Variants in RGS21 observed in about 807,000 individuals in gnomAD.
RGS21 encodes the protein regulator of G-protein signalling 21.
RGS21 carries 19 observed loss-of-function variants against 18.7 expected under a neutral mutation model. The observed-to-expected ratio is 1.01, with a 90% CI of 0.71 to 1.49. RGS21 has a LOEUF of 1.49. RGS21 is among the 40% of genes most tolerant of loss of function. RGS21 has a pLI of 0.00. For synonymous variants in RGS21, 56 were observed against 57.8 expected, an observed-to-expected ratio of 0.97 and a Z score of 0.14; for missense variants, 194 against 176.8, an observed-to-expected ratio of 1.10 and a Z score of -0.55.
rs1659252709 is a variant in RGS21 at position 192,365,939 on chromosome 1, A to G, written c.274A>G (p.Thr92Ala). The change falls in exon 5 of 5, where the codon ACC becomes GCC. Residue 92 changes from threonine to alanine, a missense_variant. By Grantham distance (58) the Thr-to-Ala change is moderately conservative. Coordinates refer to ENST00000417209, the MANE Select transcript of RGS21 (RefSeq NM_001039152.3). ...TCCACAGATTAACATTGACTTCGGT[A>G]CCAGAGACCTCATCTCAAAGAATAT... ...APKEINIDFG[T>A]RDLISKNIAE... The G allele has an allele frequency of 6.2e-7, 1 of 1,603,268 alleles. No homozygotes were observed. Among genetic ancestry groups the G allele is most frequent in the Non-Finnish European group, 8.5e-7 (1 of 1,172,120 alleles).
chr1:192,332,199 C>T (rs1658667611), intron 1 of RGS21, among the ~76,000 whole-genome samples: 1 of 151,780 alleles, frequency 6.6e-6, no homozygotes, highest in South Asian at 2.1e-4. Flanking sequence ...TAAATCAACT[C>T]AGTAAATGAA....
chr1:192,328,447 T>C (rs908152872), intron 1 of RGS21, among the ~76,000 whole-genome samples: 9 of 152,212 alleles, frequency 5.9e-5, no homozygotes, highest in African/African-American at 9.6e-5. Flanking sequence ...TGGTTCATTA[T>C]GTTTTTCTAA....
intron 1 of RGS21, among the ~76,000 whole-genome samples, chr1:192,330,401 G>A (rs1474219257): frequency 2.0e-5 from 3 of 152,088 alleles, no homozygotes; most frequent in Non-Finnish European, 4.4e-5. Context: ...TGTGGTGTGG[G>A]GAAAGAATTT....
In RGS21 at chr1:192,342,954, TC is replaced by T. The variant is rs112425607; in HGVS notation, c.-60-21del. The T allele has an allele frequency of 8.9e-4, 1,199 of 1,353,954 alleles. 12 individuals are homozygous for T. In the African/African-American group the frequency reaches 0.015, roughly 16 times the overall value. 83.9% of individuals were successfully genotyped at this position (1,353,954 alleles called of 1,614,324 possible). A position where few individuals can be genotyped will look rare whatever the true frequency, so the allele number is the denominator to read the frequency against. On this transcript the variant is annotated intron_variant, in intron 1 of 4. Coordinates refer to ENST00000417209, the MANE Select transcript of RGS21 (RefSeq NM_001039152.3). Reference sequence around the variant, plus strand: ...GGTATTCGCATACTAATTGTAATGTTCCTGCTGTCACATTACCTTCAGCTTG... The same window carrying T: ...GGTATTCGCATACTAATTGTAATGTTCTGCTGTCACATTACCTTCAGCTTG...
At chr1:192,329,674 T>C (rs1245782254) in intron 1 of RGS21, among the ~76,000 whole-genome samples, 1 of 152,056 alleles carries the variant, frequency 6.6e-6, no homozygotes, top group East Asian at 1.9e-4. Context: ...GCAATTAATA[T>C]AAAACTGTAG....
rs371304975 is a variant in RGS21, at chr1:192,354,803, CT to C, written c.255+2594del. On this transcript the variant is annotated intron_variant, in intron 4 of 4. Transcript: ENST00000417209. ...ATGCCTATTATATCCCATTTACTTT[CT>C]TTTCAAAGTTTTATATCTTTATTTC... Among the ~76,000 whole-genome samples the C allele has an allele frequency of 5.9e-5, 9 of 151,774 alleles. No individual in the cohort carries two copies. The East Asian group carries it at 1.5e-3, about 26-fold the overall frequency.
At chr1:192,336,227 G>T (rs943062726) in intron 1 of RGS21, among the ~76,000 whole-genome samples, 4 of 152,096 alleles carry the variant, frequency 2.6e-5, no homozygotes, top group Non-Finnish European at 5.9e-5. Context: ...GACCGAGGAG[G>T]GTGGATCACC....
intron 1 of RGS21, among the ~76,000 whole-genome samples, chr1:192,325,543 A>G (rs1169663061): frequency 1.3e-5 from 2 of 152,098 alleles, no homozygotes; most frequent in Non-Finnish European, 2.9e-5. Context: ...ACTGCATGGC[A>G]CAGAGGCTGA....
At chr1:192,330,203 T>C (rs937273814) in intron 1 of RGS21, among the ~76,000 whole-genome samples, 3 of 152,110 alleles carry the variant, frequency 2.0e-5, no homozygotes, top group African/African-American at 4.8e-5. Flanking sequence ...ATATAATAGG[T>C]GTTACGAAAG....
intron 2 of RGS21, among the ~76,000 whole-genome samples, chr1:192,345,949 C>T (rs1319313105): frequency 6.6e-6 from 1 of 151,826 alleles, no homozygotes; most frequent in Non-Finnish European, 1.5e-5. Flanking sequence ...TGTGTCTCAA[C>T]CTCCATTTAT....
intron 2 of RGS21, among the ~76,000 whole-genome samples, chr1:192,344,234 G>A (rs1658915321): frequency 6.6e-6 from 1 of 151,700 alleles, no homozygotes; most frequent in African/African-American, 2.4e-5. Context: ...CTCTATTGCA[G>A]GAAAAAAACA....
chr1:192,327,896 C>G (rs942795230), intron 1 of RGS21, among the ~76,000 whole-genome samples: 1 of 152,048 alleles, frequency 6.6e-6, no homozygotes, highest in African/African-American at 2.4e-5. Flanking sequence ...AATGATGACA[C>G]GAGAAATGAA....
intron 1 of RGS21, among the ~76,000 whole-genome samples, chr1:192,336,792 T>C (rs1658774261): frequency 6.6e-6 from 1 of 151,892 alleles, no homozygotes; most frequent in Admixed American, 6.6e-5. Flanking sequence ...AAAAATGATA[T>C]GAAAGCAAAC....
chr1:192,332,980 A>G (rs1302114286), intron 1 of RGS21, among the ~76,000 whole-genome samples: 2 of 152,106 alleles, frequency 1.3e-5, no homozygotes, highest in Non-Finnish European at 2.9e-5. Flanking sequence ...TTAAAAAAAA[A>G]TAACAACTAA....
chr1:192,338,413 A>C (rs962909164), intron 1 of RGS21, among the ~76,000 whole-genome samples: 3 of 152,156 alleles, frequency 2.0e-5, no homozygotes, highest in African/African-American at 7.2e-5. Context: ...AATTGTAAAA[A>C]AATAATTAAT....
At chr1:192,337,478 A>G (rs887302744) in intron 1 of RGS21, among the ~76,000 whole-genome samples, 4 of 152,062 alleles carry the variant, frequency 2.6e-5, no homozygotes, top group Middle Eastern at 3.2e-3. Flanking sequence ...ACTTAGCTTT[A>G]TTAATATCTC....
At chr1:192,357,630 T>A (rs1201722424) in intron 4 of RGS21, among the ~76,000 whole-genome samples, 1 of 151,880 alleles carries the variant, frequency 6.6e-6, no homozygotes, top group Admixed American at 6.6e-5. Context: ...AGGGAGGTCT[T>A]CAGCCCATAC....
At chr1:192,343,681 C>G (rs1334184550) in intron 2 of RGS21, among the ~76,000 whole-genome samples, 1 of 152,054 alleles carries the variant, frequency 6.6e-6, no homozygotes, top group Non-Finnish European at 1.5e-5. Context: ...GGAAATCAGC[C>G]AAAACCGCAT....
intron 4 of RGS21, among the ~76,000 whole-genome samples, chr1:192,354,473 G>A (rs1167612516): frequency 6.6e-6 from 1 of 151,734 alleles, no homozygotes; most frequent in Non-Finnish European, 1.5e-5. Context: ...TATTGCTAAT[G>A]TGAGTAGAGG....
Sources: gnomAD v4.1 joint callset for allele counts (sites outside exome capture counted in the v4.1 genomes callset) on GRCh38, gnomAD v4.1.1 for gene constraint, MANE v1.5 for transcripts, NCBI Gene and HGNC (gene_info 2026-07-23, HGNC 2026-07-21) for gene names.